The following KCNIP4 variants were observed in gnomAD, a reference collection of about 807,000 sequenced individuals.
The protein encoded by KCNIP4 is Kv channel-interacting protein 4.
A neutral mutation model predicts 34.0 loss-of-function variants in KCNIP4; 12 were observed. That is an observed-to-expected ratio of 0.35 (90% CI 0.23 to 0.57). The LOEUF (loss-of-function observed/expected upper bound fraction) is 0.57. Ranked by LOEUF, KCNIP4 falls within the 20% of genes least tolerant of loss-of-function variation. The probability of loss-of-function intolerance (pLI) is 0.83; values close to 1 mark genes in which losing one functional copy is unlikely to be tolerated. For missense variants in KCNIP4, 238 were observed against 311.7 expected, an observed-to-expected ratio of 0.76 and a Z score of 1.78; for synonymous variants, 124 against 102.2, an observed-to-expected ratio of 1.21 and a Z score of -1.29.
chr4:21,324,735 T>C (rs1352880370), intron 1 of KCNIP4, among the ~76,000 whole-genome samples: 1 of 151,758 alleles, frequency 6.6e-6, no homozygotes, highest in East Asian at 1.9e-4. Flanking sequence ...TGCTTTGGCT[T>C]TTCTGGGTCT....
At chr4:21,431,276 C>T (rs946402065) in intron 1 of KCNIP4, among the ~76,000 whole-genome samples, 2 of 151,738 alleles carry the variant, frequency 1.3e-5, no homozygotes, top group Non-Finnish European at 2.9e-5. Flanking sequence ...GTCTGAAGAA[C>T]CAAAGGATAT....
intron 1 of KCNIP4, among the ~76,000 whole-genome samples, chr4:21,563,653 C>A (rs7655166): frequency 6.6e-6 from 1 of 151,684 alleles, no homozygotes; most frequent in Non-Finnish European, 1.5e-5. Flanking sequence ...GTAGGAGAGA[C>A]ACATAAAATA....
At chr4:21,095,018 A>G (rs997831106) in intron 1 of KCNIP4, among the ~76,000 whole-genome samples, 15 of 152,346 alleles carry the variant, frequency 9.8e-5, no homozygotes, top group African/African-American at 3.6e-4. Flanking sequence ...AAACATAACA[A>G]CAAAAAAGAA....
At chr4:21,202,835 G>C (rs1010415561) in intron 1 of KCNIP4, among the ~76,000 whole-genome samples, 12 of 152,116 alleles carry the variant, frequency 7.9e-5, no homozygotes, top group Non-Finnish European at 1.5e-4. Context: ...AAAACAAAGA[G>C]ACAGAATCTA....
At chr4:21,458,523 G>A (rs184036599) in intron 1 of KCNIP4, among the ~76,000 whole-genome samples, 4 of 152,006 alleles carry the variant, frequency 2.6e-5, no homozygotes, top group Non-Finnish European at 5.9e-5. Flanking sequence ...TCCCACCTAT[G>A]ACTGAAATCA....
intron 1 of KCNIP4, among the ~76,000 whole-genome samples, chr4:21,010,581 A>C: frequency 6.6e-6 from 1 of 152,192 alleles, no homozygotes; most frequent in African/African-American, 2.4e-5. Flanking sequence ...TTTGCAATCA[A>C]GTTAAGTGAT....
intron 1 of KCNIP4, among the ~76,000 whole-genome samples, chr4:21,112,527 T>C (rs1749310493): frequency 6.6e-6 from 1 of 152,206 alleles, no homozygotes; most frequent in African/African-American, 2.4e-5. Context: ...CACAATAAGA[T>C]GAAAATAACG....
At position 20,734,743 on chromosome 4, in the gene KCNIP4, GAAAT is replaced by G; in HGVS notation, c.430-12_430-9del. The G allele has an allele frequency of 1.3e-6, 2 of 1,490,810 alleles. No individual in the cohort carries two copies. Among genetic ancestry groups the G allele is most frequent in the Non-Finnish European group, 1.8e-6 (2 of 1,099,240 alleles). 92.3% of individuals were successfully genotyped at this position (1,490,810 alleles called of 1,614,324 possible). On this transcript the variant is annotated splice_polypyrimidine_tract_variant and intron_variant, in intron 5 of 8. Transcript: ENST00000382152. ...AAGACCTTTGATGAAATCCTGAAAA[GAAAT>G]AAAAATTCAATTTTATATGACATTT... is the stretch of plus-strand genomic sequence containing the variant.
intron 1 of KCNIP4, among the ~76,000 whole-genome samples, chr4:21,735,809 C>T (rs777594069): frequency 1.3e-5 from 2 of 152,134 alleles, no homozygotes; most frequent in Non-Finnish European, 2.9e-5. Flanking sequence ...CTAGAAACAC[C>T]TTTGAAGTTA....
chr4:21,289,258 T>G (rs1018886816), intron 1 of KCNIP4, among the ~76,000 whole-genome samples: 2 of 152,254 alleles, frequency 1.3e-5, no homozygotes, highest in African/African-American at 4.8e-5. Context: ...TTGGGGCATC[T>G]GTTACCTCAA....
At chr4:21,782,311 T>A (rs912427506) in intron 1 of KCNIP4, among the ~76,000 whole-genome samples, 2 of 152,194 alleles carry the variant, frequency 1.3e-5, no homozygotes, top group African/African-American at 4.8e-5. Flanking sequence ...TATTTTAACA[T>A]AAGATACAAA....
At chr4:21,746,521 G>GA (rs1238097552) in intron 1 of KCNIP4, among the ~76,000 whole-genome samples, 2 of 151,518 alleles carry the variant, frequency 1.3e-5, no homozygotes, top group Non-Finnish European at 2.9e-5. Context: ...TTTTGGGAAG[G>GA]AAACTTTCAA....
chr4:20,888,994 A>G (rs1370203827), intron 1 of KCNIP4, among the ~76,000 whole-genome samples: 1 of 152,158 alleles, frequency 6.6e-6, no homozygotes, highest in African/African-American at 2.4e-5. Context: ...TTTTTACTAT[A>G]GGAGTGTAAC....
chr4:21,522,132 T>C (rs1735582722), intron 1 of KCNIP4, among the ~76,000 whole-genome samples: 2 of 152,210 alleles, frequency 1.3e-5, no homozygotes, highest in Middle Eastern at 3.4e-3. Flanking sequence ...TACAAGACTA[T>C]TTTAATATAA....
rs186181323 is a variant in KCNIP4, at chr4:21,337,027, A to G, written c.62-454318T>C. 1.3e-4 allele frequency among the ~76,000 whole-genome samples: 20 copies of G among 151,910 alleles called. No homozygotes were observed. In the East Asian group the frequency reaches 3.9e-3, roughly 30 times the overall value. On this transcript the variant is annotated intron_variant, in intron 1 of 8. Coordinates refer to ENST00000382152, the MANE Select transcript of KCNIP4 (RefSeq NM_025221.6). ...ATGGTATGGATGGAATGGAGGAAAG[A>G]CATTTAAGGAGAGGAAAGAGCATGG...
intron 1 of KCNIP4, among the ~76,000 whole-genome samples, chr4:21,116,644 T>C (rs542047500): frequency 1.3e-5 from 2 of 152,230 alleles, no homozygotes; most frequent in African/African-American, 2.4e-5. Context: ...GTTCCCAAGA[T>C]TGGTTTTGTT....
chr4:21,381,919 T>C (rs1560349688), intron 1 of KCNIP4, among the ~76,000 whole-genome samples: 2 of 152,294 alleles, frequency 1.3e-5, no homozygotes, highest in East Asian at 3.9e-4. Context: ...TGGAGTCATA[T>C]ATTAGTCAAA....
chr4:20,790,867 G>A (rs1712664485), intron 3 of KCNIP4, among the ~76,000 whole-genome samples: 1 of 152,116 alleles, frequency 6.6e-6, no homozygotes, highest in African/African-American at 2.4e-5. Flanking sequence ...GTGCCATTTG[G>A]ATTATTTTGT....
chr4:21,762,899 G>A, intron 1 of KCNIP4: 1 of 1,282,118 alleles, frequency 7.8e-7, no homozygotes, highest in South Asian at 1.2e-5. Context: ...GTAGGTGGAT[G>A]GAATTGGAGG....
Sources: allele counts gnomAD v4.1 joint callset (sites outside exome capture counted in the v4.1 genomes callset), GRCh38; gene constraint gnomAD v4.1.1; transcripts MANE v1.5; gene names NCBI Gene and HGNC (gene_info 2026-07-23, HGNC 2026-07-21).